IL1RAPL1: variants seen among roughly 807,000 people sequenced by gnomAD.
IL1RAPL1 encodes the protein interleukin 1 receptor accessory protein like 1.
In IL1RAPL1, 3 loss-of-function variants were observed where a neutral mutation model predicts 48.4. The observed-to-expected ratio is 0.06, with a 90% confidence interval of 0.03 to 0.16. IL1RAPL1 has a LOEUF of 0.16. IL1RAPL1 is among the 10% of genes least tolerant of loss of function. The probability of loss-of-function intolerance (pLI) is 1.00; values close to 1 mark genes in which losing one functional copy is unlikely to be tolerated. For missense variants in IL1RAPL1, 349 were observed against 530.6 expected (o/e 0.66, Z 3.36); for synonymous variants, 185 against 187.7 (o/e 0.99, Z 0.12).
At chrX:28,698,939 GA>G (rs1196344492) in intron 1 of IL1RAPL1, among the ~76,000 whole-genome samples, 2 of 112,013 alleles carry the variant, frequency 1.8e-5, no homozygotes, top group Non-Finnish European at 3.8e-5. Flanking sequence ...GGGAATGTCA[GA>G]ATACAAATTC....
At chrX:28,996,243 G>C in intron 2 of IL1RAPL1, among the ~76,000 whole-genome samples, 1 of 111,470 alleles carries the variant, frequency 9.0e-6, no homozygotes, top group East Asian at 2.8e-4. Flanking sequence ...CTTCTTTCAT[G>C]TAATGTAATG....
intron 2 of IL1RAPL1, among the ~76,000 whole-genome samples, chrX:28,864,157 GAC>G (rs1317186727): frequency 8.9e-6 from 1 of 112,060 alleles, no homozygotes; most frequent in African/African-American, 3.2e-5. Context: ...ATAAGAGAAA[GAC>G]AGAAAAATGT....
intron 2 of IL1RAPL1, among the ~76,000 whole-genome samples, chrX:29,185,781 T>G (rs960913863): frequency 1.9e-4 from 21 of 110,758 alleles, no homozygotes; most frequent in Non-Finnish European, 2.5e-4. Flanking sequence ...AAATGTGTAA[T>G]AGGTTTATAA....
chrX:29,551,233 T>C (rs1236132821), intron 5 of IL1RAPL1, among the ~76,000 whole-genome samples: 2 of 112,290 alleles, frequency 1.8e-5, no homozygotes. Flanking sequence ...CCTTGGGTTG[T>C]TTCCATGTCT....
chrX:29,825,917 G>A (rs1601841555), intron 6 of IL1RAPL1, among the ~76,000 whole-genome samples: 1 of 110,767 alleles, frequency 9.0e-6, no homozygotes, highest in Non-Finnish European at 1.9e-5. Context: ...TCGCCGACTC[G>A]GGTTGAGAGT....
At chrX:28,792,824 T>A (rs1352745989) in intron 2 of IL1RAPL1, among the ~76,000 whole-genome samples, 10 of 48,911 alleles carry the variant, frequency 2.0e-4, no homozygotes, top group African/African-American at 8.6e-4. Context: ...AAAATATATA[T>A]ATATATATAT....
Position 29,443,456 on chromosome X carries a change from C to G in IL1RAPL1, c.703+44148C>G, listed in dbSNP as rs1934573631. Among the ~76,000 whole-genome samples, 3 of 111,108 alleles carry G rather than the reference C, an allele frequency of 2.7e-5. No homozygotes were observed. In the South Asian group the frequency reaches 1.2e-3, roughly 43 times the overall value. On this transcript the variant is annotated intron_variant, in intron 5 of 10. Transcript: ENST00000378993. ...AGTCATCTTCCAGCTCTATTATTCG[C>G]CATAGCCTAGAAACTTCCCTTTGTG...
intron 2 of IL1RAPL1, among the ~76,000 whole-genome samples, chrX:28,999,727 ACTG>A (rs1361077166): frequency 8.9e-6 from 1 of 111,983 alleles, no homozygotes; most frequent in African/African-American, 3.2e-5. Context: ...ATTCTGATAA[ACTG>A]CTTACAATGT....
rs563332355 is a variant in IL1RAPL1 at position 29,291,177 on chromosome X, T to A, written c.362+7960T>A. Reference sequence around the variant, plus strand: ...TACAACTGCTCAGGAGTGGCTGCTCTTCATCCAAAACTCTGTGAACTAAAA... The same window carrying A: ...TACAACTGCTCAGGAGTGGCTGCTCATCATCCAAAACTCTGTGAACTAAAA... On this transcript the variant is annotated intron_variant, in intron 3 of 10. Transcript: ENST00000378993. Among the ~76,000 whole-genome samples, 31 of 111,266 alleles carry A rather than the reference T, an allele frequency of 2.8e-4. No individual in the cohort carries two copies. The South Asian group carries it at 0.012, about 43-fold the overall frequency.
intron 2 of IL1RAPL1, among the ~76,000 whole-genome samples, chrX:28,869,840 C>G (rs1922165745): frequency 1.8e-5 from 2 of 111,530 alleles, no homozygotes; most frequent in East Asian, 5.6e-4. Flanking sequence ...CAAAAAACCC[C>G]ATACCTATTA....
intron 2 of IL1RAPL1, among the ~76,000 whole-genome samples, chrX:28,825,100 A>C (rs147998843): frequency 8.9e-6 from 1 of 111,875 alleles, no homozygotes; most frequent in Admixed American, 9.5e-5. Flanking sequence ...CATGTTTGTG[A>C]AACTCCTAGA....
In IL1RAPL1 at chrX:29,155,616, C is replaced by T. The variant is rs141207106; in HGVS notation, c.83-127322C>T. ...CTGATTTTTGAATTGTAGAAAATTG[C>T]GGAGATTCTTACTAAGTTTTGGGAT... On this transcript the variant is annotated intron_variant, in intron 2 of 10. Transcript: ENST00000378993. 8.4e-4 allele frequency among the ~76,000 whole-genome samples: 94 copies of T among 111,673 alleles called. 1 individual carries two copies. Among genetic ancestry groups the T allele is most frequent in the African/African-American group, 2.7e-3 (84 of 30,790 alleles).
chrX:28,749,314 T>G (rs747126792), intron 1 of IL1RAPL1, among the ~76,000 whole-genome samples: 1 of 111,693 alleles, frequency 9.0e-6, no homozygotes, highest in South Asian at 3.7e-4. Flanking sequence ...GTAGTTTTAT[T>G]TTTAATTTTT....
intron 2 of IL1RAPL1, among the ~76,000 whole-genome samples, chrX:29,059,131 A>G (rs1927287481): frequency 8.9e-6 from 1 of 112,031 alleles, no homozygotes; most frequent in Admixed American, 9.5e-5. Flanking sequence ...GTTTATGTTA[A>G]TAGAGGTTAA....
intron 5 of IL1RAPL1, among the ~76,000 whole-genome samples, chrX:29,554,701 T>C (rs372595526): frequency 1.8e-5 from 2 of 111,451 alleles, no homozygotes; most frequent in East Asian, 5.6e-4. Flanking sequence ...TTTTTAGCCC[T>C]AAAGAGCATT....
chrX:29,582,057 A>G (rs1387966722), intron 5 of IL1RAPL1, among the ~76,000 whole-genome samples: 1 of 111,927 alleles, frequency 8.9e-6, no homozygotes, highest in African/African-American at 3.2e-5. Context: ...AACCCATGAT[A>G]TGATTAGTGA....
intron 6 of IL1RAPL1, among the ~76,000 whole-genome samples, chrX:29,891,603 G>A (rs1203676725): frequency 2.7e-5 from 3 of 111,528 alleles, no homozygotes; most frequent in Non-Finnish European, 5.6e-5. Context: ...TCCACTGAGA[G>A]CTACCTGAAA....
At chrX:29,628,860 GA>G (rs1210361521) in intron 5 of IL1RAPL1, among the ~76,000 whole-genome samples, 3 of 111,977 alleles carry the variant, frequency 2.7e-5, no homozygotes, top group Non-Finnish European at 5.6e-5. Context: ...GAGATACAAA[GA>G]AAAGAAGGAA....
At chrX:28,962,290 T>C (rs925096222) in intron 2 of IL1RAPL1, among the ~76,000 whole-genome samples, 2 of 112,113 alleles carry the variant, frequency 1.8e-5, no homozygotes, top group African/African-American at 3.2e-5. Flanking sequence ...CGCTTACACA[T>C]TATGAGTATA....
Sources: allele counts gnomAD v4.1 joint callset (sites outside exome capture counted in the v4.1 genomes callset), GRCh38; gene constraint gnomAD v4.1.1; transcripts MANE v1.5; gene names NCBI Gene and HGNC (gene_info 2026-07-23, HGNC 2026-07-21).